Variants in CBFA2T2 observed in about 807,000 individuals in gnomAD.
CBFA2T2 encodes CBFA2/RUNX1 partner transcriptional co-repressor 2.
CBFA2T2 carries 11 observed loss-of-function variants against 62.2 expected under a neutral mutation model. The ratio of observed to expected loss-of-function variants is 0.18; its 90% CI spans 0.11 to 0.29. The LOEUF is 0.29. Ranked by LOEUF, CBFA2T2 falls within the 10% of genes least tolerant of loss-of-function variation. The pLI is 1.00. For missense variants in CBFA2T2, 592 were observed against 774.1 expected (o/e 0.76, Z 2.79); for synonymous variants, 295 against 287.5 (o/e 1.03, Z -0.27).
chr20:33,519,939 G>A (rs780368709), intron 1 of CBFA2T2, among the ~76,000 whole-genome samples: 8 of 152,200 alleles, frequency 5.3e-5, no homozygotes, highest in Admixed American at 2.0e-4. Flanking sequence ...CTGAGGTCGG[G>A]AGTTCGAGAC....
At chr20:33,527,368 ATTTTTTTTT>A (rs66870528) in intron 1 of CBFA2T2, among the ~76,000 whole-genome samples, 2 of 74,452 alleles carry the variant, frequency 2.7e-5, no homozygotes, top group Non-Finnish European at 5.6e-5. Context: ...GGCCCGACTG[ATTTTTTTTT>A]TTTTTTTTTT....
In CBFA2T2 at chr20:33,645,799, T is replaced by C. The variant is rs918028722; in HGVS notation, c.*1153T>C. On this transcript the variant is annotated 3_prime_UTR_variant, in exon 11 of 11. Coordinates refer to ENST00000342704, the MANE Select transcript of CBFA2T2 (RefSeq NM_001032999.3). ...TTGATTTATCATCAGGCACACAACT[T>C]CTGTTTCCTTCTCTTGTGTTATCTG... is the stretch of plus-strand genomic sequence containing the variant. The C allele has an allele frequency of 3.3e-5, 5 of 152,172 alleles. No homozygotes were observed. Among genetic ancestry groups the C allele is most frequent in the Admixed American group, 2.6e-4 (4 of 15,268 alleles). 9.4% of individuals were successfully genotyped at this position (152,172 alleles called of 1,614,324 possible). A position where few individuals can be genotyped will look rare whatever the true frequency, so the allele number is the denominator to read the frequency against.
Position 33,551,539 on chromosome 20 carries a change from TTTG to T in CBFA2T2, c.35-55407_35-55405del, listed in dbSNP as rs201907623. ...CTCTGTGCTTTTGTTCCATCAATGTTTTGTTGTTGTTGATTGATTCTCTCTCTG... is the reference window on the plus strand; with the variant it reads ...CTCTGTGCTTTTGTTCCATCAATGTTTTGTTGTTGATTGATTCTCTCTCTG... On this transcript the variant is annotated intron_variant, in intron 1 of 10. Coordinates refer to ENST00000342704, the MANE Select transcript of CBFA2T2 (RefSeq NM_001032999.3). Among the ~76,000 whole-genome samples the T allele has an allele frequency of 5.8e-3, 883 of 151,620 alleles. 7 individuals are homozygous for T. The highest frequency in any genetic ancestry group is 0.02 in the African/African-American group (825 of 41,288).
At chr20:33,573,150 A>C (rs912546472) in intron 1 of CBFA2T2, among the ~76,000 whole-genome samples, 2 of 152,230 alleles carry the variant, frequency 1.3e-5, no homozygotes, top group South Asian at 4.1e-4. Context: ...TTGGAGTTAC[A>C]TCAATGAGTA....
At chr20:33,499,425 A>G (rs1439534385) in intron 1 of CBFA2T2, among the ~76,000 whole-genome samples, 8 of 152,214 alleles carry the variant, frequency 5.3e-5, no homozygotes. Flanking sequence ...CAAGGAAGGG[A>G]TCTCATAATG....
intron 1 of CBFA2T2, among the ~76,000 whole-genome samples, chr20:33,568,108 T>G (rs2043729134): frequency 6.6e-6 from 1 of 152,194 alleles, no homozygotes; most frequent in Non-Finnish European, 1.5e-5. Flanking sequence ...TGTGTAACCA[T>G]AAGCTGATTT....
intron 1 of CBFA2T2, among the ~76,000 whole-genome samples, chr20:33,494,284 T>A (rs2011176609): frequency 7.5e-5 from 6 of 80,232 alleles, no homozygotes; most frequent in Non-Finnish European, 1.4e-4. Flanking sequence ...TTTTTTTTTT[T>A]TTTTTTTTTT....
intron 1 of CBFA2T2, among the ~76,000 whole-genome samples, chr20:33,559,193 T>TTTTTTTTTTTTTTTTC (rs1555835221): frequency 9.0e-5 from 13 of 143,926 alleles, no homozygotes; most frequent in African/African-American, 3.6e-4. Flanking sequence ...TTTTTTTTTT[T>TTTTTTTTTTTTTTTTC]CTGAGATGGA....
chr20:33,513,051 C>T (rs771740171), intron 1 of CBFA2T2, among the ~76,000 whole-genome samples: 1 of 152,108 alleles, frequency 6.6e-6, no homozygotes, highest in South Asian at 2.1e-4. Context: ...CGCACCCGGC[C>T]ACGTATGTAT....
At chr20:33,635,044 TAG>T (rs1168606577) in intron 8 of CBFA2T2, among the ~76,000 whole-genome samples, 1 of 152,046 alleles carries the variant, frequency 6.6e-6, no homozygotes, top group African/African-American at 2.4e-5. Context: ...GCAGAACAAG[TAG>T]AGAGGATAGA....
chr20:33,619,326 G>C (rs2015841834), intron 3 of CBFA2T2, among the ~76,000 whole-genome samples, 191 bp from the exon 4 acceptor site: 1 of 152,008 alleles, frequency 6.6e-6, no homozygotes, highest in Admixed American at 6.6e-5. Context: ...ACCGTCAGGA[G>C]ATCACAGGAG....
intron 1 of CBFA2T2, among the ~76,000 whole-genome samples, chr20:33,593,802 A>T (rs1221425720): frequency 6.6e-6 from 1 of 152,206 alleles, no homozygotes; most frequent in Non-Finnish European, 1.5e-5. Context: ...TAAAAAGGAT[A>T]AATGACCTCT....
rs540091398 is a variant in CBFA2T2 at position 33,490,698 on chromosome 20, C to T, written c.34+397C>T. Among the ~76,000 whole-genome samples, 5 of 152,302 alleles carry T rather than the reference C, an allele frequency of 3.3e-5. No homozygotes were observed. In the South Asian group the frequency reaches 8.3e-4, roughly 25 times the overall value. On this transcript the variant is annotated intron_variant, in intron 1 of 10. Coordinates refer to ENST00000342704, the MANE Select transcript of CBFA2T2 (RefSeq NM_001032999.3). The stretch of plus-strand genomic sequence containing the variant: ...GTTGGAGGAGATGAGAATGGCCCCT[C>T]GGAGGGCCTGTTTGAGCGCAGGCTC...
chr20:33,574,361 C>T (rs564032090), intron 1 of CBFA2T2: 14 of 1,148,474 alleles, frequency 1.2e-5, no homozygotes, highest in Admixed American at 2.0e-5. Context: ...CATGGTGGCT[C>T]ACGCCTGTAA....
rs922096067 is a variant in CBFA2T2 at position 33,579,121 on chromosome 20, T to G, written c.35-27835T>G. Reference sequence around the variant, plus strand: ...TTTTTGGGGGTTTTTTTTTGTTTTTTTTTTTTTTTAAGGAAAGCGTCTCCT... The same window carrying G: ...TTTTTGGGGGTTTTTTTTTGTTTTTGTTTTTTTTTAAGGAAAGCGTCTCCT... On this transcript the variant is annotated intron_variant, in intron 1 of 10. Transcript: ENST00000342704. Among the ~76,000 whole-genome samples, 59 of 151,296 alleles carry G rather than the reference T, an allele frequency of 3.9e-4. 1 individual carries two copies. Among genetic ancestry groups the G allele is most frequent in the African/African-American group, 1.1e-3 (45 of 41,318 alleles).
In CBFA2T2 at chr20:33,610,903, G is replaced by A. The variant is rs954456605; in HGVS notation, c.179-191G>A. Among the ~76,000 whole-genome samples, 15 of 152,016 alleles carry A rather than the reference G, an allele frequency of 9.9e-5. 1 individual carries two copies. In the East Asian group the frequency reaches 1.3e-3, roughly 14 times the overall value. On this transcript the variant is annotated intron_variant, in intron 2 of 10. Coordinates refer to ENST00000342704, the MANE Select transcript of CBFA2T2 (RefSeq NM_001032999.3). ...GGGAGCACTCTGCTTTCTTTTTAAC[G>A]CTCCAGTGTTACTCTGTTACCATTT...
rs372228301 is a variant in CBFA2T2 at position 33,576,997 on chromosome 20, G to A, written c.35-29959G>A. Among the ~76,000 whole-genome samples, 48 of 152,212 alleles carry A rather than the reference G, an allele frequency of 3.2e-4. 1 individual carries two copies. Among genetic ancestry groups the A allele is most frequent in the Non-Finnish European group, 5.9e-4 (40 of 68,032 alleles). On this transcript the variant is annotated intron_variant, in intron 1 of 10. Coordinates refer to ENST00000342704, the MANE Select transcript of CBFA2T2 (RefSeq NM_001032999.3). ...TAATTTTAGTTCAATGCCAAAAAAA[G>A]ATGGAGCACTCCATAATAGATGAAT...
At chr20:33,533,804 G>A (rs1399458358) in intron 1 of CBFA2T2, among the ~76,000 whole-genome samples, 3 of 152,222 alleles carry the variant, frequency 2.0e-5, no homozygotes, top group African/African-American at 2.4e-5. Flanking sequence ...GTGAAACTCC[G>A]TCTCTACTAA....
At chr20:33,535,907 G>A (rs371606120) in intron 1 of CBFA2T2, among the ~76,000 whole-genome samples, 9 of 152,080 alleles carry the variant, frequency 5.9e-5, no homozygotes, top group Admixed American at 1.3e-4. Flanking sequence ...TCTGTTTAAC[G>A]AAGCACATCT....
Sources: gnomAD v4.1 joint callset for allele counts (sites outside exome capture counted in the v4.1 genomes callset) on GRCh38, gnomAD v4.1.1 for gene constraint, MANE v1.5 for transcripts, NCBI Gene and HGNC (gene_info 2026-07-23, HGNC 2026-07-21) for gene names.